SDK2: variants seen among roughly 807,000 people sequenced by gnomAD.
SDK2 encodes protein sidekick-2.
SDK2 carries 105 observed loss-of-function variants against 253.9 expected under a neutral mutation model. That is an observed-to-expected ratio of 0.41 (90% CI 0.35 to 0.49). The LOEUF (loss-of-function observed/expected upper bound fraction) is 0.49. SDK2 is among the 20% of genes least tolerant of loss of function. SDK2 has a pLI of 0.06. For synonymous variants in SDK2, 1,249 were observed against 1,234.9 expected (o/e 1.01, Z -0.24); for missense variants, 2,608 against 3,003.0 (o/e 0.87, Z 3.07).
chr17:73,372,410 C>A (rs2062741709), intron 36 of SDK2, among the ~76,000 whole-genome samples: 1 of 152,198 alleles, frequency 6.6e-6, no homozygotes, highest in East Asian at 1.9e-4. Context: ...AGAATCATGG[C>A]TGGCACATCC....
chr17:73,444,761 G>A (rs527751658), intron 5 of SDK2, among the ~76,000 whole-genome samples: 2 of 152,278 alleles, frequency 1.3e-5, no homozygotes, highest in East Asian at 3.9e-4. Flanking sequence ...CATGGGACTC[G>A]CCTGGGCCAC....
chr17:73,523,416 A>G (rs951578465), intron 1 of SDK2, among the ~76,000 whole-genome samples: 1 of 151,990 alleles, frequency 6.6e-6, no homozygotes, highest in African/African-American at 2.4e-5. Context: ...GATCTTATTT[A>G]TTATAGAAGT....
At chr17:73,424,426 G>A (rs533764016) in intron 12 of SDK2, among the ~76,000 whole-genome samples, 2 of 152,290 alleles carry the variant, frequency 1.3e-5, no homozygotes, top group Admixed American at 6.5e-5. Flanking sequence ...GTATTCTTCT[G>A]AAGAGGCTGA....
At chr17:73,526,265 G>T (rs2064124673) in intron 1 of SDK2, among the ~76,000 whole-genome samples, 2 of 152,284 alleles carry the variant, frequency 1.3e-5, no homozygotes, top group South Asian at 4.1e-4. Context: ...GGGGCTGCAA[G>T]GTTGGGGGAG....
chr17:73,356,574 T>G (rs112131357), intron 40 of SDK2, among the ~76,000 whole-genome samples: 84 of 152,162 alleles, frequency 5.5e-4, no homozygotes, highest in African/African-American at 1.9e-3. Context: ...ATCCTGAAGA[T>G]GAGAAGGGGA....
In SDK2 at chr17:73,616,274, C is replaced by T. The variant is rs1221970598; in HGVS notation, c.64+27751G>A. On this transcript the variant is annotated intron_variant, in intron 1 of 44. Coordinates refer to ENST00000392650, the MANE Select transcript of SDK2 (RefSeq NM_001144952.2). This position sits in a 1 kb window ranked among gnomAD's most constrained non-coding sequence, Gnocchi z 5.2. Reference sequence around the variant, plus strand: ...ATCCCGGTGCTGCTTGCCTTCCCCACCCTCTCCCCGCCTGTCTGAGCTAGA... The same window carrying T: ...ATCCCGGTGCTGCTTGCCTTCCCCATCCTCTCCCCGCCTGTCTGAGCTAGA... 2.0e-5 allele frequency among the ~76,000 whole-genome samples: 3 copies of T among 152,076 alleles called. No individual in the cohort carries two copies. The highest frequency in any genetic ancestry group is 7.2e-5 in the African/African-American group (3 of 41,384).
intron 1 of SDK2, among the ~76,000 whole-genome samples, chr17:73,571,850 G>A (rs903185499): frequency 6.6e-6 from 1 of 152,134 alleles, no homozygotes; most frequent in Non-Finnish European, 1.5e-5. Flanking sequence ...AGCCTGCAGG[G>A]GCCCAGGGAC....
rs908006164 is a variant in SDK2 at position 73,443,398 on chromosome 17, A to T, written c.614-2475T>A. Among the ~76,000 whole-genome samples the T allele has an allele frequency of 6.6e-6, 1 of 152,204 alleles. No individual in the cohort carries two copies. The highest frequency in any genetic ancestry group is 1.5e-5 in the Non-Finnish European group (1 of 68,044). On this transcript the variant is annotated intron_variant, in intron 5 of 44. Coordinates refer to ENST00000392650, the MANE Select transcript of SDK2 (RefSeq NM_001144952.2). The surrounding 1 kb of genome is among the most constrained non-coding windows in gnomAD (Gnocchi z 4.6). The stretch of plus-strand genomic sequence containing the variant: ...CTGCTGATATAGCTGAATCCATAAA[A>T]GTGTGCTCTAAGTTGTTTATTACAT...
At chr17:73,494,718 T>G (rs1444383084) in intron 2 of SDK2, among the ~76,000 whole-genome samples, 1 of 152,068 alleles carries the variant, frequency 6.6e-6, no homozygotes, top group Admixed American at 6.6e-5. Context: ...CCTCTCTCCC[T>G]CCCATCTGCC....
chr17:73,486,020 A>G (rs1402752829), intron 2 of SDK2, among the ~76,000 whole-genome samples: 1 of 152,192 alleles, frequency 6.6e-6, no homozygotes, highest in East Asian at 1.9e-4. Context: ...GAGAGAGGTG[A>G]TGGGGCTGAC....
At chr17:73,451,969 C>T (rs771387246) in intron 4 of SDK2, among the ~76,000 whole-genome samples, 154 of 152,174 alleles carry the variant, frequency 1.0e-3, no homozygotes, top group Non-Finnish European at 1.9e-3. Flanking sequence ...CAGCCACACC[C>T]CCTGGTTTCA....
intron 4 of SDK2, among the ~76,000 whole-genome samples, chr17:73,453,403 G>A (rs1403058192): frequency 6.8e-6 from 1 of 148,118 alleles, no homozygotes; most frequent in African/African-American, 2.5e-5. Context: ...TTGAGATGGA[G>A]TCTTGCTCTT....
intron 44 of SDK2, among the ~76,000 whole-genome samples, chr17:73,342,340 C>T (rs1024559837): frequency 5.3e-5 from 8 of 152,190 alleles, no homozygotes; most frequent in Admixed American, 2.0e-4. Context: ...AAGCCCCTTT[C>T]TGTGCCTACT....
At chr17:73,374,874 T>G (rs2062764764) in intron 36 of SDK2, among the ~76,000 whole-genome samples, 1 of 152,150 alleles carries the variant, frequency 6.6e-6, no homozygotes, top group South Asian at 2.1e-4. Context: ...CCCACCCGGA[T>G]AGTTCAGATG....
At chr17:73,414,478 G>A (rs946255118) in intron 18 of SDK2, among the ~76,000 whole-genome samples, 166 bp downstream of exon 18, 2 of 152,116 alleles carry the variant, frequency 1.3e-5, no homozygotes, top group Non-Finnish European at 1.5e-5. Flanking sequence ...ATGTAGCCTT[G>A]GGGAAGGCCT....
chr17:73,399,548 A>T (rs1226872715), intron 21 of SDK2, among the ~76,000 whole-genome samples: 1 of 152,190 alleles, frequency 6.6e-6, no homozygotes, highest in Non-Finnish European at 1.5e-5. Flanking sequence ...CAGGGCCAGG[A>T]AACAGGGGCC....
intron 30 of SDK2, among the ~76,000 whole-genome samples, chr17:73,387,410 C>G (rs1316955015): frequency 1.3e-5 from 2 of 152,094 alleles, no homozygotes; most frequent in Non-Finnish European, 2.9e-5. Flanking sequence ...AAGTATTGCT[C>G]AAAACTCCCG....
chr17:73,442,347 T>C (rs1442369678), intron 5 of SDK2, among the ~76,000 whole-genome samples: 1 of 66,286 alleles, frequency 1.5e-5, no homozygotes, highest in African/African-American at 5.2e-5. Flanking sequence ...ACTCATGCAG[T>C]CTTTTTTTTT....
chr17:73,619,166 CAA>C (rs540815987), intron 1 of SDK2, among the ~76,000 whole-genome samples: 48 of 90,152 alleles, frequency 5.3e-4, no homozygotes, highest in Admixed American at 5.0e-4. Flanking sequence ...GACCCTGTCT[CAA>C]AAAAAAAAAA....
Sources: gnomAD v4.1 joint callset for allele counts (sites outside exome capture counted in the v4.1 genomes callset) on GRCh38, gnomAD v4.1.1 for gene constraint, Gnocchi (gnomAD v3.1) non-coding constraint, MANE v1.5 for transcripts, NCBI Gene and HGNC (gene_info 2026-07-23, HGNC 2026-07-21) for gene names.